Variants in LRRC37B observed in about 807,000 individuals in gnomAD.
LRRC37B encodes leucine rich repeat containing 37B.
LRRC37B carries 28 observed loss-of-function variants against 98.3 expected under a neutral mutation model. The ratio of observed to expected loss-of-function variants is 0.28; its 90% CI spans 0.21 to 0.39. LRRC37B has a LOEUF of 0.39. Ranked by LOEUF, LRRC37B falls within the 10% of genes least tolerant of loss-of-function variation. The pLI, the probability that LRRC37B is intolerant of heterozygous loss-of-function variation, is 1.00. For synonymous variants in LRRC37B, 364 were observed against 442.7 expected (o/e 0.82, Z 2.23); for missense variants, 938 against 1,182.7 (o/e 0.79, Z 3.03).
chr17:32,008,438 A>G (rs937292838), intron 1 of LRRC37B, among the ~76,000 whole-genome samples: 1 of 149,352 alleles, frequency 6.7e-6, no homozygotes, highest in African/African-American at 2.4e-5. Flanking sequence ...GCAGGATTGA[A>G]ACTTTGGCAA....
rs762681405 is a variant in LRRC37B, at chr17:32,021,249, C to A, written c.184C>A (p.Leu62Ile). The A allele has an allele frequency of 1.9e-6, 3 of 1,612,784 alleles. No individual in the cohort carries two copies. In the African/African-American group the frequency reaches 4.0e-5, roughly 22 times the overall value. The change falls in exon 1 of 12, where the codon CTC (leucine) becomes ATC (isoleucine). Residue 62 changes from leucine (L) to isoleucine (I), a missense_variant. Coordinates refer to ENST00000327564, the Ensembl canonical transcript of LRRC37B. ...GCCTCTGGTGTGGGTCAAGGACCCG[C>A]TCCAGCTGACCTCTAACCCCCTGGG...
intron 7 of LRRC37B, among the ~76,000 whole-genome samples, chr17:32,043,765 A>G (rs553523266): frequency 1.3e-5 from 2 of 152,294 alleles, no homozygotes; most frequent in East Asian, 3.9e-4. Context: ...TTAAAACTCT[A>G]TACATCATAC....
chr17:32,007,896 T>C, upstream of LRRC37B: 2 of 879,556 alleles, frequency 2.3e-6, no homozygotes, highest in East Asian at 9.4e-5. The surrounding 1 kb of genome is among the most constrained non-coding windows in gnomAD (Gnocchi z 4.1). Context: ...GGCAGCCACC[T>C]AGCCCGGACC....
exon 12 of LRRC37B, chr17:32,053,414 C>T (rs566605170): frequency 1.2e-6 from 1 of 828,068 alleles, no homozygotes; most frequent in Non-Finnish European, 1.9e-6. Context: ...TCAATGAAAA[C>T]TTTCTTTACT....
intron 1 of LRRC37B, among the ~76,000 whole-genome samples, chr17:32,023,868 G>A (rs1282499398): frequency 2.0e-5 from 3 of 152,180 alleles, no homozygotes; most frequent in African/African-American, 4.8e-5. Context: ...AAAGGGCGGT[G>A]TATATAATTA....
At chr17:32,031,779 G>A (rs1314750943) in intron 5 of LRRC37B, among the ~76,000 whole-genome samples, 11 of 151,426 alleles carry the variant, frequency 7.3e-5, no homozygotes, top group African/African-American at 1.9e-4. Context: ...TGAGGGGGGC[G>A]GATCACCTGA....
chr17:32,015,719 C>T (rs1910634857), intron 1 of LRRC37B, among the ~76,000 whole-genome samples: 1 of 152,114 alleles, frequency 6.6e-6, no homozygotes, highest in Non-Finnish European at 1.5e-5. Context: ...TCGGCGGGTA[C>T]TTTTGTTTAT....
intron 6 of LRRC37B, 37 bp from the exon 10 acceptor site, chr17:32,035,528 G>A (rs781701527): frequency 3.8e-6 from 6 of 1,577,452 alleles, no homozygotes; most frequent in Non-Finnish European, 5.2e-6. Context: ...ATTTTGTAAT[G>A]GGTTCATATC....
At chr17:32,039,404 G>A (rs1295901126) in intron 7 of LRRC37B, among the ~76,000 whole-genome samples, 3 of 144,334 alleles carry the variant, frequency 2.1e-5, no homozygotes, top group Non-Finnish European at 4.5e-5. Context: ...TTGAACCCAG[G>A]AGGTAGAGGT....
rs547387822 is a variant in LRRC37B, at chr17:32,034,859, A to T, written c.2058-51A>T. On this transcript the variant is annotated intron_variant, in intron 5 of 11. Coordinates refer to ENST00000327564, the Ensembl canonical transcript of LRRC37B. Reference sequence around the variant, plus strand: ...AAAAATGAATATAGACTTTTTATGCAGTTTCACACATTGAAAATGCAGGTA... The same window carrying T: ...AAAAATGAATATAGACTTTTTATGCTGTTTCACACATTGAAAATGCAGGTA... The T allele has an allele frequency of 3.9e-5, 53 of 1,356,266 alleles. 1 individual carries two copies. In the South Asian group the frequency reaches 4.8e-4, roughly 12 times the overall value. 84.0% of individuals were successfully genotyped at this position (1,356,266 alleles called of 1,614,324 possible).
chr17:32,022,522 C>T (rs1382421934), exon 1 of LRRC37B: 2 of 1,613,660 alleles, frequency 1.2e-6, no homozygotes, highest in East Asian at 2.2e-5. Flanking sequence ...GAACCCACTA[C>T]AGAGATTGGA....
intron 7 of LRRC37B, among the ~76,000 whole-genome samples, chr17:32,043,677 G>A (rs2142259350): frequency 6.6e-6 from 1 of 152,314 alleles, no homozygotes; most frequent in East Asian, 1.9e-4. Flanking sequence ...TGGACCCAAA[G>A]GAATACGAGT....
Position 32,021,639 on chromosome 17 carries a change from G to A in LRRC37B, c.574G>A (p.Gly192Ser), listed in dbSNP as rs770310425. The change falls in exon 1 of 12, where the codon GGT (glycine) becomes AGT (serine). Residue 192 changes from glycine to serine, a missense_variant. Around this residue, in one of 2 missense-constraint regions of LRRC37B, gnomAD observed 610 missense variants for 625.6 expected, o/e 0.98. Coordinates refer to ENST00000327564, the Ensembl canonical transcript of LRRC37B. ...AACTACAGATCTAGATCGGGCTGCAGGTCATCAGGCAGATGAAATACTTGT... is the reference window on the plus strand; with the variant it reads ...AACTACAGATCTAGATCGGGCTGCAAGTCATCAGGCAGATGAAATACTTGT... 2.5e-6 allele frequency: 4 copies of A among 1,614,218 alleles called. No individual in the cohort carries two copies. In the South Asian group the frequency reaches 3.3e-5, roughly 13 times the overall value.
chr17:32,014,453 A>G (rs1910606571), intron 1 of LRRC37B, among the ~76,000 whole-genome samples: 1 of 152,272 alleles, frequency 6.6e-6, no homozygotes, highest in African/African-American at 2.4e-5. Flanking sequence ...TTTCAGATGA[A>G]GAAAATCTAA....
intron 7 of LRRC37B, chr17:32,041,232 T>A (rs1911421205): frequency 1.3e-6 from 1 of 770,664 alleles, no homozygotes. Context: ...GCCTGAGCAG[T>A]CCAATGGGGG....
chr17:32,020,857 C>A, upstream of LRRC37B: 4 of 1,075,540 alleles, frequency 3.7e-6, no homozygotes, highest in Non-Finnish European at 3.8e-6. Context: ...CCCCACCCCA[C>A]CACAGCAGGC....
rs779906099 is a variant in LRRC37B at position 32,049,203 on chromosome 17, G to T, written c.2566G>T (p.Glu856Ter). Residue 856 changes from glutamate to a stop codon, truncating the protein, a stop_gained, in exon 10 of 12, where the codon GAA becomes TAA. Transcript: ENST00000327564. LOFTEE classifies it high-confidence loss of function. ...TCATGTTATCCGGACCTTGAAAATGGAATGTTCAGAAACACATGTGCAAGG... is the reference window on the plus strand; with the variant it reads ...TCATGTTATCCGGACCTTGAAAATGTAATGTTCAGAAACACATGTGCAAGG... The T allele has an allele frequency of 6.2e-7, 1 of 1,613,994 alleles. No individual in the cohort carries two copies. Among genetic ancestry groups the T allele is most frequent in the African/African-American group, 1.3e-5 (1 of 74,914 alleles).
At chr17:32,019,536 T>C (rs1910717894), upstream of LRRC37B, among the ~76,000 whole-genome samples, 1 of 152,204 alleles carries the variant, frequency 6.6e-6, no homozygotes, top group Non-Finnish European at 1.5e-5. Flanking sequence ...TAAATTAATC[T>C]CAAAAGAAAA....
At chr17:32,048,051 C>T in intron 9 of LRRC37B, 150 bp downstream of exon 12, 1 of 1,357,670 alleles carries the variant, frequency 7.4e-7, no homozygotes, top group South Asian at 1.2e-5. Context: ...TGGAGATAGG[C>T]TCCTGAGTAT....
Sources: gnomAD v4.1 joint callset for allele counts (sites outside exome capture counted in the v4.1 genomes callset) on GRCh38, gnomAD v4.1.1 for gene constraint, gnomAD v4.1.1 regional missense constraint, Gnocchi (gnomAD v3.1) non-coding constraint, MANE v1.5 for transcripts, NCBI Gene and HGNC (gene_info 2026-07-23, HGNC 2026-07-21) for gene names.